The following SUCLG2 variants were observed in gnomAD, a reference collection of about 807,000 sequenced individuals.
The protein encoded by SUCLG2 is succinate-CoA ligase GDP-forming subunit beta.
SUCLG2 carries 42 observed loss-of-function variants against 47.9 expected under a neutral mutation model. The ratio of observed to expected loss-of-function variants is 0.88; its 90% CI spans 0.69 to 1.14. The LOEUF is 1.14. Among genes scored for constraint, SUCLG2 ranks in the 50% most tolerant of loss-of-function variants. SUCLG2 has a pLI of 0.00. For missense variants in SUCLG2, 571 were observed against 525.9 expected, an observed-to-expected ratio of 1.09 and a Z score of -0.84; for synonymous variants, 195 against 197.3, an observed-to-expected ratio of 0.99 and a Z score of 0.10.
chr3:67,447,934 G>C (rs1396999499), intron 9 of SUCLG2, among the ~76,000 whole-genome samples: 1 of 152,090 alleles, frequency 6.6e-6, no homozygotes, highest in African/African-American at 2.4e-5. Flanking sequence ...TTGCCATGTT[G>C]GCCAGGCTGG....
intron 9 of SUCLG2, among the ~76,000 whole-genome samples, chr3:67,466,788 C>T (rs374776018): frequency 2.0e-5 from 3 of 152,192 alleles, no homozygotes; most frequent in South Asian, 2.1e-4. Flanking sequence ...AGTGTGATAA[C>T]GACAAAATGG....
intron 9 of SUCLG2, chr3:67,408,848 A>T (rs1284277330): frequency 2.4e-5 from 34 of 1,426,872 alleles, no homozygotes; most frequent in Non-Finnish European, 3.0e-5. Context: ...TCAAGATTTA[A>T]ATTAAGGCGG....
Position 67,590,417 on chromosome 3 carries a change from AGGTGGGAGCT to A in SUCLG2, c.226+19028_226+19037del, listed in dbSNP as rs1708128993. Among the ~76,000 whole-genome samples the A allele has an allele frequency of 2.0e-5, 3 of 152,112 alleles. No individual in the cohort carries two copies. In the South Asian group the frequency reaches 6.2e-4, roughly 32 times the overall value. ...GTTGAACTGTAATTCCCAATGTTGG[AGGTGGGAGCT>A]GGTGGGAGGTGTTTGGGTCATGGGG... On this transcript the variant is annotated intron_variant, in intron 2 of 10. Transcript: ENST00000307227.
intron 2 of SUCLG2, 135 bp downstream of exon 2, chr3:67,609,320 T>G (rs2107312515): frequency 1.0e-6 from 1 of 1,003,442 alleles, no homozygotes; most frequent in East Asian, 2.6e-5. Context: ...TTTTTGCTTT[T>G]GCAGTTCTAA....
chr3:67,618,036 T>C (rs1174834263), intron 1 of SUCLG2, among the ~76,000 whole-genome samples: 1 of 152,232 alleles, frequency 6.6e-6, no homozygotes, highest in East Asian at 1.9e-4. Context: ...ATGGAATTTC[T>C]ATACTTGAAT....
chr3:67,498,428 G>C (rs7630024), intron 7 of SUCLG2, 133 bp from the exon 8 acceptor site: 1 of 906,980 alleles, frequency 1.1e-6, no homozygotes, highest in Non-Finnish European at 1.6e-6. Context: ...AGGCAGGAGA[G>C]GCTGCTTTGG....
intron 9 of SUCLG2, among the ~76,000 whole-genome samples, chr3:67,406,457 G>C (rs1209048673): frequency 6.6e-6 from 1 of 152,196 alleles, no homozygotes; most frequent in Non-Finnish European, 1.5e-5. Flanking sequence ...TATTACACCA[G>C]GTGGTGAGGG....
intron 2 of SUCLG2, among the ~76,000 whole-genome samples, chr3:67,577,155 C>G (rs983616375): frequency 2.0e-5 from 3 of 151,902 alleles, no homozygotes; most frequent in Non-Finnish European, 4.4e-5. Flanking sequence ...CTAAAAAGTA[C>G]AAAAAAATTA....
chr3:67,501,911 A>G (rs367593117), intron 7 of SUCLG2, among the ~76,000 whole-genome samples: 3 of 152,170 alleles, frequency 2.0e-5, no homozygotes, highest in African/African-American at 7.2e-5. Flanking sequence ...AAAAAATAAG[A>G]TAAAAAATAA....
intron 2 of SUCLG2, among the ~76,000 whole-genome samples, chr3:67,535,100 G>A (rs1044753585): frequency 6.6e-5 from 10 of 152,022 alleles, no homozygotes; most frequent in African/African-American, 1.9e-4. Flanking sequence ...ATTTATGAAA[G>A]CCAAAAGTAT....
chr3:67,553,492 G>A (rs919599483), intron 2 of SUCLG2, among the ~76,000 whole-genome samples: 1 of 152,120 alleles, frequency 6.6e-6, no homozygotes, highest in Non-Finnish European at 1.5e-5. Flanking sequence ...GGGGCTTTTG[G>A]ACTTAAATAA....
chr3:67,567,420 C>T (rs943846548), intron 2 of SUCLG2, among the ~76,000 whole-genome samples: 1 of 151,848 alleles, frequency 6.6e-6, no homozygotes, highest in African/African-American at 2.4e-5. Context: ...CTCAGCCTCC[C>T]TAGTAGCTGG....
chr3:67,443,765 C>A (rs1419821344), intron 9 of SUCLG2, among the ~76,000 whole-genome samples: 5 of 89,040 alleles, frequency 5.6e-5, no homozygotes, highest in Admixed American at 2.5e-4. Flanking sequence ...AGGTGAGGAG[C>A]ATCTCTGCCC....
In SUCLG2 at chr3:67,406,160, C is replaced by G. The variant is rs544277683; in HGVS notation, c.1063-5309G>C. Among the ~76,000 whole-genome samples the G allele has an allele frequency of 1.7e-4, 26 of 152,226 alleles. 1 individual carries two copies. The highest frequency in any genetic ancestry group is 6.3e-4 in the African/African-American group (26 of 41,526). ...AAACAAATTGTGCCAAATTAGGCAG[C>G]CTGTTTGCTGTCAGTCTAAAAAATT... is the stretch of plus-strand genomic sequence containing the variant. On this transcript the variant is annotated intron_variant, in intron 9 of 10. Coordinates refer to ENST00000307227, the MANE Select transcript of SUCLG2 (RefSeq NM_003848.4).
intron 2 of SUCLG2, 33 bp downstream of exon 2, chr3:67,609,422 C>T (rs375192329): frequency 5.0e-6 from 8 of 1,594,326 alleles, no homozygotes; most frequent in African/African-American, 2.7e-5. Context: ...CTGATTTGGG[C>T]AAGTGTATTT....
intron 6 of SUCLG2, among the ~76,000 whole-genome samples, chr3:67,511,090 C>T (rs997850419): frequency 2.6e-5 from 4 of 151,956 alleles, no homozygotes; most frequent in East Asian, 3.9e-4. Flanking sequence ...GTTTTCACCA[C>T]GTTGGCCAGG....
At chr3:67,531,237 A>T (rs968504541) in intron 2 of SUCLG2, among the ~76,000 whole-genome samples, 4 of 152,220 alleles carry the variant, frequency 2.6e-5, no homozygotes, top group African/African-American at 9.7e-5. Flanking sequence ...GGAAGACATC[A>T]AGTGGAAAAA....
chr3:67,515,359 A>G (rs1158092731), intron 6 of SUCLG2, among the ~76,000 whole-genome samples: 1 of 152,186 alleles, frequency 6.6e-6, no homozygotes, highest in Non-Finnish European at 1.5e-5. Context: ...GGGAACTACT[A>G]TATTAAGCTT....
chr3:67,397,143 A>G (rs1207681494), intron 10 of SUCLG2, among the ~76,000 whole-genome samples: 1 of 151,784 alleles, frequency 6.6e-6, no homozygotes, highest in Admixed American at 6.6e-5. Flanking sequence ...CACCACTCCT[A>G]TTCAACATAG....
Sources: allele counts gnomAD v4.1 joint callset (sites outside exome capture counted in the v4.1 genomes callset), GRCh38; gene constraint gnomAD v4.1.1; transcripts MANE v1.5; gene names NCBI Gene and HGNC (gene_info 2026-07-23, HGNC 2026-07-21).